GRM7: variants seen among roughly 807,000 people sequenced by gnomAD.
The protein encoded by GRM7 is glutamate metabotropic receptor 7.
A neutral mutation model predicts 84.5 loss-of-function variants in GRM7; 35 were observed. The observed-to-expected ratio is 0.41, with a 90% CI of 0.32 to 0.55. GRM7 has a LOEUF of 0.55. GRM7 is among the 20% of genes least tolerant of loss of function. The pLI is 0.19. For missense variants in GRM7, 1,003 were observed against 1,194.6 expected (o/e 0.84, Z 2.36); for synonymous variants, 487 against 455.1 (o/e 1.07, Z -0.89).
At chr3:7,366,322 T>C (rs776258686) in intron 4 of GRM7, among the ~76,000 whole-genome samples, 1 of 151,850 alleles carries the variant, frequency 6.6e-6, no homozygotes, top group Non-Finnish European at 1.5e-5. Context: ...ATTTACTCTC[T>C]CAAGATTATG....
chr3:7,436,331 T>C (rs1697056123), intron 5 of GRM7, among the ~76,000 whole-genome samples: 2 of 152,324 alleles, frequency 1.3e-5, no homozygotes, highest in African/African-American at 4.8e-5. Flanking sequence ...CAGCAGACTT[T>C]TTCTGAACTA....
At chr3:7,351,713 A>G (rs1693155828) in intron 4 of GRM7, among the ~76,000 whole-genome samples, 1 of 151,896 alleles carries the variant, frequency 6.6e-6, no homozygotes, top group Admixed American at 6.6e-5. Context: ...TCTCTTCAGG[A>G]GCAGAATACC....
chr3:7,012,160 C>T (rs1266630177), intron 1 of GRM7, among the ~76,000 whole-genome samples: 2 of 152,144 alleles, frequency 1.3e-5, no homozygotes, highest in East Asian at 1.9e-4. Context: ...GGATTGAGTG[C>T]CCAGGAGAAT....
At chr3:7,434,455 T>C (rs1168809765) in intron 5 of GRM7, among the ~76,000 whole-genome samples, 1 of 152,214 alleles carries the variant, frequency 6.6e-6, no homozygotes, top group Non-Finnish European at 1.5e-5. Context: ...CTGTATAATG[T>C]TGAAGGAGTT....
At chr3:7,686,529 C>T in intron 9 of GRM7, 1 of 675,026 alleles carries the variant, frequency 1.5e-6, no homozygotes, top group African/African-American at 1.8e-5. Context: ...GGAAACTGTG[C>T]ATGATTACCT....
intron 7 of GRM7, among the ~76,000 whole-genome samples, chr3:7,512,390 A>T (rs1700239017): frequency 2.6e-5 from 4 of 152,182 alleles, no homozygotes; most frequent in Admixed American, 2.6e-4. Context: ...CTAGTGTGAG[A>T]GTCAAAGTTT....
At chr3:7,149,325 C>T (rs1024578443) in intron 2 of GRM7, among the ~76,000 whole-genome samples, 1 of 152,148 alleles carries the variant, frequency 6.6e-6, no homozygotes, top group Non-Finnish European at 1.5e-5. Flanking sequence ...CATCTTGCTG[C>T]TGCAAAGGTG....
At chr3:6,890,982 T>G (rs1208036644) in intron 1 of GRM7, among the ~76,000 whole-genome samples, 1 of 152,200 alleles carries the variant, frequency 6.6e-6, no homozygotes, top group Non-Finnish European at 1.5e-5. Flanking sequence ...TTTACCATTA[T>G]GTAATGGCCT....
intron 6 of GRM7, among the ~76,000 whole-genome samples, chr3:7,460,099 T>TAAAGAAAAAAAAAAAAAAAAA (rs1698180448): frequency 2.0e-5 from 1 of 49,544 alleles, no homozygotes. Flanking sequence ...CTTAAAATAG[T>TAAAGAAAAAAAAAAAAAAAAA]AAAAAAAAAA....
intron 4 of GRM7, among the ~76,000 whole-genome samples, chr3:7,340,591 G>A (rs1466166173): frequency 2.0e-5 from 3 of 152,104 alleles, no homozygotes; most frequent in Admixed American, 1.3e-4. Context: ...GTGAAGACAT[G>A]ACGCCTAACC....
chr3:6,927,499 A>C lies in GRM7; in HGVS notation c.519+65592A>C, dbSNP rs1012562941. ...AAAGAAAGAAAGAAAGAAAGAAAGA[A>C]AGAAAGAAAGAAAGAAAGAAGAGAA... On this transcript the variant is annotated intron_variant, in intron 1 of 9. Coordinates refer to ENST00000357716, the MANE Select transcript of GRM7 (RefSeq NM_000844.4). Among the ~76,000 whole-genome samples the C allele has an allele frequency of 3.4e-5, 5 of 147,620 alleles. No homozygotes were observed. The Admixed American group carries it at 3.4e-4, about 10-fold the overall frequency.
At chr3:7,390,694 C>A (rs56337813) in intron 4 of GRM7, among the ~76,000 whole-genome samples, 25,749 of 151,966 alleles carry the variant, frequency 0.17, 2,354 homozygotes, top group East Asian at 0.29. Flanking sequence ...TTTTTTAATT[C>A]CAGAAGTTCT....
chr3:7,577,778 G>A (rs549114599), intron 7 of GRM7, among the ~76,000 whole-genome samples: 4 of 152,180 alleles, frequency 2.6e-5, no homozygotes, highest in East Asian at 3.9e-4. Context: ...TACAATTAAA[G>A]CCTTCATTAG....
At chr3:7,158,546 A>G (rs1478218640) in intron 2 of GRM7, among the ~76,000 whole-genome samples, 1 of 152,152 alleles carries the variant, frequency 6.6e-6, no homozygotes, top group Admixed American at 6.6e-5. Context: ...ATGGCCACAC[A>G]TTTAATTTTG....
chr3:7,521,853 C>A (rs1442601781), intron 7 of GRM7, among the ~76,000 whole-genome samples: 1 of 152,142 alleles, frequency 6.6e-6, no homozygotes, highest in Non-Finnish European at 1.5e-5. Context: ...CACTTTTCTG[C>A]ATGCAAAATC....
At chr3:7,404,382 T>C (rs746631115) in intron 4 of GRM7, among the ~76,000 whole-genome samples, 1 of 152,184 alleles carries the variant, frequency 6.6e-6, no homozygotes, top group Admixed American at 6.5e-5. Flanking sequence ...AGATTTCCCA[T>C]GGTCTTCCCC....
In GRM7 at chr3:7,362,743, G is replaced by A. The variant is rs536912747; in HGVS notation, c.1034-52280G>A. ...TTCAAGTTTATGTGTGGTGTAGCGT[G>A]AAGAGGTGTTAATTCAGATATCAGT... On this transcript the variant is annotated intron_variant, in intron 4 of 9. Transcript: ENST00000357716. 1.2e-4 allele frequency among the ~76,000 whole-genome samples: 18 copies of A among 152,194 alleles called. No homozygotes were observed. In the South Asian group the frequency reaches 1.2e-3, roughly 11 times the overall value.
chr3:7,370,975 T>C (rs1355564800), intron 4 of GRM7, among the ~76,000 whole-genome samples: 1 of 152,196 alleles, frequency 6.6e-6, no homozygotes, highest in East Asian at 1.9e-4. Flanking sequence ...TTTAGGAGCC[T>C]GATTTGTTGG....
At chr3:7,068,357 C>G (rs1391942) in intron 1 of GRM7, among the ~76,000 whole-genome samples, 23,850 of 151,922 alleles carry the variant, frequency 0.16, 2,217 homozygotes, top group South Asian at 0.22. Flanking sequence ...ATGTGGGAAT[C>G]ACATCGATTT....
Sources: allele counts gnomAD v4.1 joint callset (sites outside exome capture counted in the v4.1 genomes callset), GRCh38; gene constraint gnomAD v4.1.1; transcripts MANE v1.5; gene names NCBI Gene and HGNC (gene_info 2026-07-23, HGNC 2026-07-21).